Variants in DTX1 observed in about 807,000 individuals in gnomAD.
The protein encoded by DTX1 is deltex E3 ubiquitin ligase 1.
A neutral mutation model predicts 57.8 loss-of-function variants in DTX1; 26 were observed. The ratio of observed to expected loss-of-function variants is 0.45; its 90% CI spans 0.33 to 0.62. The LOEUF (loss-of-function observed/expected upper bound fraction) is 0.62. DTX1 is among the 20% of genes least tolerant of loss of function. The pLI is 0.02. For missense variants in DTX1, 704 were observed against 895.3 expected, an observed-to-expected ratio of 0.79 and a Z score of 2.73; for synonymous variants, 398 against 394.1, an observed-to-expected ratio of 1.01 and a Z score of -0.12.
At chr12:113,072,704 T>C (rs1176410438) in intron 2 of DTX1, among the ~76,000 whole-genome samples, 3 of 141,304 alleles carry the variant, frequency 2.1e-5, no homozygotes, top group Non-Finnish European at 3.1e-5. Flanking sequence ...TTCTTTTTTT[T>C]TTTTTTTTTT....
chr12:113,069,498 G>A (rs1033796968), intron 2 of DTX1, among the ~76,000 whole-genome samples: 2 of 152,154 alleles, frequency 1.3e-5, no homozygotes, highest in African/African-American at 4.8e-5. Context: ...TGGAGAACCT[G>A]GGCCAGCTTC....
chr12:113,093,168 C>A lies in DTX1; in HGVS notation c.948C>A (p.Pro316=). 1 of 1,597,906 alleles carries A rather than the reference C, an allele frequency of 6.3e-7. No individual in the cohort carries two copies. The highest frequency in any genetic ancestry group is 1.1e-5 in the South Asian group (1 of 88,106). ...SARASIPPGV[P]ALPVKNLNGT... The stretch of plus-strand genomic sequence containing the variant: ...TCTTCTCTTCTCCCCGCAGGGTCCC[C>A]GCACTCCCGGTGAAGAACTTGAATG... The change falls in exon 4 of 10, where the codon CCC becomes CCA. Residue 316 remains proline, a synonymous_variant. Coordinates refer to ENST00000548759, the MANE Select transcript of DTX1 (RefSeq NM_004416.3). This position sits in a 1 kb window ranked among gnomAD's most constrained non-coding sequence, Gnocchi z 4.2.
At chr12:113,094,318 C>G (rs1303708595) in intron 6 of DTX1, among the ~76,000 whole-genome samples, 1 of 152,218 alleles carries the variant, frequency 6.6e-6, no homozygotes, top group Non-Finnish European at 1.5e-5. Flanking sequence ...CCCATATTTT[C>G]CACTAAATGT....
Position 113,095,346 on chromosome 12 carries a change from G to A in DTX1, c.1570G>A (p.Gly524Arg), listed in dbSNP as rs374740078. ...GCAGGGCCCTGAGCACCCCAACCCC[G>A]GGAAGAAGTTCACCGCAAGAGGATT... ...GIQGPEHPNP[G>R]KKFTARGFPR... Residue 524 changes from glycine (G) to arginine (R), a missense_variant, in exon 9 of 10, where the codon GGG (glycine) becomes AGG (arginine). Coordinates refer to ENST00000548759, the MANE Select transcript of DTX1 (RefSeq NM_004416.3). 293 of 1,613,990 alleles carry A rather than the reference G, an allele frequency of 1.8e-4. No homozygotes were observed. Among genetic ancestry groups the A allele is most frequent in the Non-Finnish European group, 2.3e-4 (267 of 1,180,034 alleles).
intron 3 of DTX1, among the ~76,000 whole-genome samples, chr12:113,079,084 A>T (rs1314977034): frequency 6.6e-6 from 1 of 152,132 alleles, no homozygotes; most frequent in Non-Finnish European, 1.5e-5. Context: ...AGGCCCCAGG[A>T]TAGGGACCCA....
At chr12:113,079,914 G>C (rs73427758) in intron 3 of DTX1, among the ~76,000 whole-genome samples, 4 of 152,202 alleles carry the variant, frequency 2.6e-5, no homozygotes, top group African/African-American at 9.6e-5. Context: ...CTCCTTCCTT[G>C]AGCCTCAGTT....
chr12:113,096,641 AG>A, intron 9 of DTX1, 73 bp from the exon 10 acceptor site: 1 of 1,410,078 alleles, frequency 7.1e-7, no homozygotes, highest in Non-Finnish European at 9.6e-7. Flanking sequence ...CAGGGGAGGG[AG>A]GGAGGCTGAG....
intron 6 of DTX1, among the ~76,000 whole-genome samples, chr12:113,094,361 A>C (rs1950270173): frequency 6.6e-6 from 1 of 152,172 alleles, no homozygotes; most frequent in Non-Finnish European, 1.5e-5. Flanking sequence ...TTAAGCCCTT[A>C]ATTCACCTGG....
At chr12:113,070,595 A>G (rs917429795) in intron 2 of DTX1, among the ~76,000 whole-genome samples, 3 of 152,146 alleles carry the variant, frequency 2.0e-5, no homozygotes, top group African/African-American at 7.2e-5. Context: ...TAAGGCCAAG[A>G]GGTGGGGGCT....
At chr12:113,074,844 T>A (rs975986047) in intron 2 of DTX1, among the ~76,000 whole-genome samples, 1 of 152,000 alleles carries the variant, frequency 6.6e-6, no homozygotes, top group South Asian at 2.1e-4. Context: ...GGATATGAGG[T>A]AGAAGTCAAG....
At position 113,093,549 on chromosome 12, in the gene DTX1, G is replaced by C. The variant is rs1389332780; in HGVS notation, c.1014G>C (p.Gly338=). ...CCCCCTAACCCCCAGGGATGACCGG[G>C]ATACTGCTGTGCGCGGCCGGGCTGC... ...PVHPALAGMT[G]ILLCAAGLPV... is the part of the protein sequence containing the mutation. Residue 338 remains glycine, a synonymous_variant, in exon 5 of 10, where the codon GGG becomes GGC. Coordinates refer to ENST00000548759, the MANE Select transcript of DTX1 (RefSeq NM_004416.3). The surrounding 1 kb of genome is among the most constrained non-coding windows in gnomAD (Gnocchi z 4.2). 1.9e-6 allele frequency: 3 copies of C among 1,608,080 alleles called. No homozygotes were observed. In the African/African-American group the frequency reaches 4.0e-5, roughly 21 times the overall value.
Position 113,088,709 on chromosome 12 carries a change from G to A in DTX1, c.942-4453G>A, listed in dbSNP as rs576903488. 5.3e-5 allele frequency among the ~76,000 whole-genome samples: 8 copies of A among 152,338 alleles called. No individual in the cohort carries two copies. In the South Asian group the frequency reaches 6.2e-4, roughly 12 times the overall value. On this transcript the variant is annotated intron_variant, in intron 3 of 9. Transcript: ENST00000548759. ...GGCTTTTTAAAAATAAAGTGGTTGC[G>A]GCCAGGCACAGTGGCTTATGCCTGT...
chr12:113,067,429 G>A (rs562317572), intron 2 of DTX1, among the ~76,000 whole-genome samples: 3 of 152,292 alleles, frequency 2.0e-5, no homozygotes, highest in South Asian at 4.1e-4. Context: ...TAATTTGCCA[G>A]GTGATCTTGC....
At position 113,095,157 on chromosome 12, in the gene DTX1, A is replaced by T; in HGVS notation, c.1502A>T (p.Asp501Val). The T allele has an allele frequency of 6.2e-7, 1 of 1,613,150 alleles. No homozygotes were observed. The highest frequency in any genetic ancestry group is 8.5e-7 in the Non-Finnish European group (1 of 1,179,196). Residue 501 changes from aspartate (D) to valine (V), a missense_variant, in exon 8 of 10, where the codon GAT becomes GTT. This residue lies in a region of DTX1 where 168 missense variants were observed against 255.6 expected (regional missense o/e 0.66). Coordinates refer to ENST00000548759, the MANE Select transcript of DTX1 (RefSeq NM_004416.3). ...LIPHSLPGFP[D>V]TQTIRIVYDI... ...CCCCACTCGCTGCCCGGCTTCCCTG[A>T]TACCCAGACCATCCGCATCGTCTAT...
intron 3 of DTX1, among the ~76,000 whole-genome samples, chr12:113,088,429 A>C (rs1950220688): frequency 6.6e-6 from 1 of 152,260 alleles, no homozygotes; most frequent in Non-Finnish European, 1.5e-5. Context: ...TTTGTCTGGC[A>C]GAAGAGGCGG....
chr12:113,067,982 T>G (rs1320916267), intron 2 of DTX1, among the ~76,000 whole-genome samples: 1 of 152,054 alleles, frequency 6.6e-6, no homozygotes, highest in East Asian at 1.9e-4. Flanking sequence ...CAGGCTGCAG[T>G]GAGTTATCAT....
rs991052750 is a variant in DTX1 at position 113,094,734 on chromosome 12, C to T, written c.1228-55C>T. The T allele has an allele frequency of 5.1e-6, 8 of 1,581,304 alleles. No individual in the cohort carries two copies. The African/African-American group carries it at 6.7e-5, about 13-fold the overall frequency. ...GTGACCCACCAAGGGGCAGTGCTGA[C>T]CCAGTAGGTGCCCTGCCCTCCCCAG... On this transcript the variant is annotated intron_variant, in intron 6 of 9. Coordinates refer to ENST00000548759, the MANE Select transcript of DTX1 (RefSeq NM_004416.3).
At chr12:113,073,382 T>C (rs1592846177) in intron 2 of DTX1, among the ~76,000 whole-genome samples, 1 of 152,096 alleles carries the variant, frequency 6.6e-6, no homozygotes, top group Middle Eastern at 3.4e-3. Flanking sequence ...AGGGAAGAAA[T>C]CAATCTGCAC....
At position 113,093,278 on chromosome 12, in the gene DTX1, C is replaced by T; in HGVS notation, c.1003+55C>T. On this transcript the variant is annotated intron_variant, in intron 4 of 9. Transcript: ENST00000548759. This position sits in a 1 kb window ranked among gnomAD's most constrained non-coding sequence, Gnocchi z 4.2. ...GGCGGGGCCCACTAGGAGGCAGCTC[C>T]GCCTGTCACCCGGTGACCCCGCCCC... The T allele has an allele frequency of 1.6e-5, 24 of 1,536,006 alleles. No homozygotes were observed. The highest frequency in any genetic ancestry group is 2.1e-5 in the Non-Finnish European group (24 of 1,136,804).
Sources: gnomAD v4.1 joint callset for allele counts (sites outside exome capture counted in the v4.1 genomes callset) on GRCh38, gnomAD v4.1.1 for gene constraint, gnomAD v4.1.1 regional missense constraint, Gnocchi (gnomAD v3.1) non-coding constraint, MANE v1.5 for transcripts, NCBI Gene and HGNC (gene_info 2026-07-23, HGNC 2026-07-21) for gene names.